Variants in RECQL5 observed in about 807,000 individuals in gnomAD.
RECQL5 encodes the protein ATP-dependent DNA helicase Q5.
RECQL5 carries 88 observed loss-of-function variants against 103.4 expected under a neutral mutation model. The observed-to-expected ratio is 0.85, with a 90% confidence interval of 0.72 to 1.02. RECQL5 has a LOEUF of 1.02. Ranked by LOEUF, RECQL5 falls within the 50% of genes least tolerant of loss-of-function variation. The pLI, the probability that RECQL5 is intolerant of heterozygous loss-of-function variation, is 0.00. For synonymous variants in RECQL5, 552 were observed against 507.9 expected, an observed-to-expected ratio of 1.09 and a Z score of -1.17; for missense variants, 1,232 against 1,284.3, an observed-to-expected ratio of 0.96 and a Z score of 0.62.
intron 7 of RECQL5, among the ~76,000 whole-genome samples, chr17:75,654,168 T>C (rs1312787269): frequency 1.3e-5 from 2 of 152,242 alleles, no homozygotes; most frequent in African/African-American, 4.8e-5. Flanking sequence ...GTGATCACAT[T>C]TCCTTTCTTG....
At chr17:75,666,352 G>A in intron 2 of RECQL5, 76 bp downstream of exon 2, 3 of 1,521,636 alleles carry the variant, frequency 2.0e-6, no homozygotes, top group Admixed American at 1.8e-5. Flanking sequence ...TACGAAGGGT[G>A]AGGAGGAGGG....
rs369666779 is a variant in RECQL5 at position 75,629,420 on chromosome 17, G to A, written c.2003C>T (p.Thr668Met). 50 of 1,505,696 alleles carry A rather than the reference G, an allele frequency of 3.3e-5. No individual in the cohort carries two copies. The highest frequency in any genetic ancestry group is 2.3e-4 in the East Asian group (10 of 43,558). The allele number at this position is 1,505,696 out of a possible 1,614,324, so 93.3% of individuals were successfully genotyped here. ...AGTTGTCTCCATCAGTTCCGTGGCC[G>A]TCTGGAACGGGCAGGAGCCTTTGGG... ...GFPKGSCPFQ[T>M]ATELMETTRI... Residue 668 changes from threonine to methionine, a missense_variant, in exon 16 of 20, where the codon ACG becomes ATG. Physicochemically the swap from Thr to Met is moderately conservative, Grantham distance 81 (BLOSUM62 -1). Transcript: ENST00000317905.
chr17:75,634,878 A>C (rs1173789214), intron 8 of RECQL5, among the ~76,000 whole-genome samples: 1 of 152,172 alleles, frequency 6.6e-6, no homozygotes, highest in African/African-American at 2.4e-5. Flanking sequence ...TGAGGCTGGG[A>C]GGGACCACGC....
intron 2 of RECQL5, among the ~76,000 whole-genome samples, chr17:75,665,478 GC>G (rs1371092510): frequency 6.6e-6 from 1 of 152,022 alleles, no homozygotes; most frequent in Non-Finnish European, 1.5e-5. Flanking sequence ...GATCACGAGG[GC>G]AAGAGTTTGA....
intron 8 of RECQL5, among the ~76,000 whole-genome samples, chr17:75,648,670 C>A (rs1473289579): frequency 1.0e-5 from 1 of 96,312 alleles, no homozygotes; most frequent in African/African-American, 3.8e-5. Context: ...CGGCGCCCGG[C>A]CTTTTTTTTT....
chr17:75,647,497 T>C, intron 8 of RECQL5: 1 of 1,550,400 alleles, frequency 6.4e-7, no homozygotes, highest in Non-Finnish European at 8.7e-7. Flanking sequence ...TCTCATCTTA[T>C]TTGCCATCGT....
chr17:75,627,465 T>A lies in RECQL5; in HGVS notation c.2933A>T (p.Glu978Val), dbSNP rs1347871956. 6.2e-7 allele frequency: 1 copy of A among 1,613,628 alleles called. No individual in the cohort carries two copies. Among genetic ancestry groups the A allele is most frequent in the Non-Finnish European group, 8.5e-7 (1 of 1,180,034 alleles). Residue 978 changes from glutamate to valine, a missense_variant, in exon 20 of 20, where the codon GAG becomes GTG. Transcript: ENST00000317905. The stretch of plus-strand genomic sequence containing the variant: ...CAGGCCATGCCAGTCAGCTTCGCTC[T>A]CGCACCGGGCCCGGCCATGGAAGAA... ...RHFFHGRARC[E>V]SEADWHGLCG...
Position 75,662,749 on chromosome 17 carries a change from A to G in RECQL5, c.501T>C (p.His167=), listed in dbSNP as rs549268621. The G allele has an allele frequency of 2.3e-5, 37 of 1,613,978 alleles. No homozygotes were observed. The highest frequency in any genetic ancestry group is 2.9e-5 in the Non-Finnish European group (34 of 1,180,048). The change falls in exon 4 of 20, where the codon CAT becomes CAC. Residue 167 remains histidine (H), a synonymous_variant. Transcript: ENST00000317905. ...DEAHCVSQWG[H]DFRPDYLRLG... ...GACGCAAGTAGTCAGGACGAAAGTC[A>G]TGCCCCCATTGGGAAACACAATGAG...
chr17:75,642,533 A>T (rs2059446312), intron 8 of RECQL5, among the ~76,000 whole-genome samples: 1 of 152,202 alleles, frequency 6.6e-6, no homozygotes, highest in Non-Finnish European at 1.5e-5. Context: ...TAGGTTAAAG[A>T]CCCAGAGAGT....
At chr17:75,648,361 A>G (rs974277434) in intron 8 of RECQL5, among the ~76,000 whole-genome samples, 2 of 151,882 alleles carry the variant, frequency 1.3e-5, no homozygotes, top group African/African-American at 2.4e-5. Flanking sequence ...CAGGACTTAT[A>G]TGTCTTTGTT....
chr17:75,665,033 C>A lies in RECQL5; in HGVS notation c.252+18G>T. ...CCGAATCTTTTTGGGCTACCATCTT[C>A]ATTGCCCTAAGCCTCACCTGAATCA... On this transcript the variant is annotated intron_variant, in intron 3 of 19. Transcript: ENST00000317905. 6.5e-7 allele frequency: 1 copy of A among 1,535,930 alleles called. No individual in the cohort carries two copies. Among genetic ancestry groups the A allele is most frequent in the South Asian group, 1.3e-5 (1 of 79,722 alleles).
intron 3 of RECQL5, 105 bp downstream of exon 3, chr17:75,664,946 A>AAAGAAAAT: frequency 7.1e-7 from 1 of 1,404,464 alleles, no homozygotes; most frequent in Non-Finnish European, 9.3e-7. Context: ...AAGAAAAAGA[A>AAAGAAAAT]AAGAAAATAA....
At chr17:75,653,661 G>A (rs2059582177) in intron 7 of RECQL5, among the ~76,000 whole-genome samples, 1 of 152,210 alleles carries the variant, frequency 6.6e-6, no homozygotes, top group Non-Finnish European at 1.5e-5. Context: ...AACTTTGGGA[G>A]GCTGAGGTAG....
intron 4 of RECQL5, 62 bp downstream of exon 4, chr17:75,662,417 A>G: frequency 6.5e-7 from 1 of 1,537,498 alleles, no homozygotes; most frequent in Non-Finnish European, 8.8e-7. Context: ...ACTAATCTCC[A>G]TCTCCATCAC....
intron 7 of RECQL5, among the ~76,000 whole-genome samples, chr17:75,651,566 G>A (rs945421993): frequency 3.9e-5 from 6 of 152,174 alleles, no homozygotes; most frequent in African/African-American, 1.4e-4. Context: ...GGAGGTTTCA[G>A]CAAGCTGAGA....
intron 6 of RECQL5, 39 bp downstream of exon 6, chr17:75,660,916 G>A (rs765886003): frequency 6.8e-7 from 1 of 1,465,188 alleles, no homozygotes; most frequent in Admixed American, 1.7e-5. Context: ...CCCTGAGCCA[G>A]GCCCAGACCA....
chr17:75,660,190 C>T (rs1489887975), intron 6 of RECQL5, among the ~76,000 whole-genome samples: 1 of 152,142 alleles, frequency 6.6e-6, no homozygotes, highest in African/African-American at 2.4e-5. Flanking sequence ...CCTCAGCCCC[C>T]CAAGTAGCTG....
chr17:75,651,827 A>G (rs1390107702), intron 7 of RECQL5, among the ~76,000 whole-genome samples: 1 of 152,216 alleles, frequency 6.6e-6, no homozygotes, highest in African/African-American at 2.4e-5. Flanking sequence ...TTTTAATAAT[A>G]GTAAATACAC....
intron 9 of RECQL5, 22 bp from the exon 10 acceptor site, chr17:75,631,271 G>A: frequency 1.9e-6 from 3 of 1,604,810 alleles, no homozygotes; most frequent in Non-Finnish European, 2.6e-6. Context: ...CCAGGCGTGA[G>A]TGGCCCTGGC....
Sources: allele counts gnomAD v4.1 joint callset (sites outside exome capture counted in the v4.1 genomes callset), GRCh38; gene constraint gnomAD v4.1.1; transcripts MANE v1.5; gene names NCBI Gene and HGNC (gene_info 2026-07-23, HGNC 2026-07-21).